UNC79: variants seen among roughly 807,000 people sequenced by gnomAD.
UNC79 encodes protein unc-79 homolog.
In UNC79, 37 loss-of-function variants were observed where a neutral mutation model predicts 283.1. The ratio of observed to expected loss-of-function variants is 0.13; its 90% CI spans 0.10 to 0.17. UNC79 has a LOEUF of 0.17. UNC79 is among the 10% of genes least tolerant of loss of function. The probability of loss-of-function intolerance (pLI) is 1.00; values close to 1 mark genes in which losing one functional copy is unlikely to be tolerated. For synonymous variants in UNC79, 1,107 were observed against 1,200.2 expected, an observed-to-expected ratio of 0.92 and a Z score of 1.61; for missense variants, 2,272 against 3,211.1, an observed-to-expected ratio of 0.71 and a Z score of 7.07.
At chr14:93,347,823 G>A (rs2053894256) in intron 1 of UNC79, among the ~76,000 whole-genome samples, 1 of 151,494 alleles carries the variant, frequency 6.6e-6, no homozygotes, top group Non-Finnish European at 1.5e-5. Flanking sequence ...GGTTGGAACC[G>A]GAGACCCCTT....
chr14:93,587,256 C>T (rs895070555), intron 22 of UNC79, among the ~76,000 whole-genome samples: 9 of 152,058 alleles, frequency 5.9e-5, no homozygotes, highest in African/African-American at 2.2e-4. Flanking sequence ...ACTTACCTAC[C>T]TTCTTACTTA....
intron 1 of UNC79, among the ~76,000 whole-genome samples, chr14:93,352,920 T>C (rs1313032101): frequency 6.6e-6 from 1 of 152,170 alleles, no homozygotes; most frequent in Non-Finnish European, 1.5e-5. Flanking sequence ...CACTTATAAA[T>C]CAAGTGCTGT....
chr14:93,665,728 T>A (rs1243606874), intron 40 of UNC79, among the ~76,000 whole-genome samples: 1 of 151,890 alleles, frequency 6.6e-6, no homozygotes, highest in Non-Finnish European at 1.5e-5. Flanking sequence ...AAAAAAAGTC[T>A]TTAAAATGAT....
At chr14:93,467,720 C>A in exon 2 of UNC79, 2 of 1,364,658 alleles carry the variant, frequency 1.5e-6, no homozygotes, top group South Asian at 2.8e-5. Context: ...GGGTTCTCCA[C>A]AACATTTATC....
chr14:93,511,294 G>C (rs2059812132), intron 7 of UNC79, among the ~76,000 whole-genome samples: 1 of 152,114 alleles, frequency 6.6e-6, no homozygotes, highest in Non-Finnish European at 1.5e-5. Flanking sequence ...ATTAGATATG[G>C]TTGCTTTGTT....
intron 16 of UNC79, 24 bp from the exon 17 acceptor site, chr14:93,575,034 G>A (rs752851599): frequency 6.4e-7 from 1 of 1,573,046 alleles, no homozygotes; most frequent in East Asian, 2.3e-5. Flanking sequence ...TGTTTTTTGG[G>A]GGATATATGC....
chr14:93,333,756 C>T (rs959532722), intron 1 of UNC79, among the ~76,000 whole-genome samples: 3 of 152,220 alleles, frequency 2.0e-5, no homozygotes, highest in Non-Finnish European at 4.4e-5. Context: ...AACAAAAATA[C>T]TGTATTTATG....
At chr14:93,613,206 C>A in intron 27 of UNC79, 123 bp downstream of exon 28, 1 of 1,285,366 alleles carries the variant, frequency 7.8e-7, no homozygotes, top group Non-Finnish European at 1.1e-6. Flanking sequence ...TGGTATTATG[C>A]AGGAGTATGT....
intron 2 of UNC79, 126 bp downstream of exon 2, chr14:93,467,917 G>A: frequency 2.5e-6 from 3 of 1,195,710 alleles, no homozygotes; most frequent in East Asian, 3.3e-5. Flanking sequence ...TCTGTCAGAA[G>A]AGTCTGTGCT....
At chr14:93,530,695 G>A (rs950857765) in intron 10 of UNC79, among the ~76,000 whole-genome samples, 1 of 152,008 alleles carries the variant, frequency 6.6e-6, no homozygotes, top group Admixed American at 6.5e-5. Context: ...GGATCACAAG[G>A]TCAGGAAATC....
At chr14:93,354,058 G>A (rs751954887) in intron 1 of UNC79, among the ~76,000 whole-genome samples, 2 of 152,136 alleles carry the variant, frequency 1.3e-5, no homozygotes, top group African/African-American at 2.4e-5. Context: ...TGACCTGAAC[G>A]ATAAATAGAT....
At chr14:93,504,502 T>C (rs1030817215) in intron 7 of UNC79, among the ~76,000 whole-genome samples, 1 of 151,972 alleles carries the variant, frequency 6.6e-6, no homozygotes, top group Non-Finnish European at 1.5e-5. Flanking sequence ...TTTAGGCTTT[T>C]TTAAGTTGCC....
chr14:93,602,552 T>G (rs1326063764), intron 25 of UNC79, among the ~76,000 whole-genome samples: 1 of 152,190 alleles, frequency 6.6e-6, no homozygotes, highest in African/African-American at 2.4e-5. Context: ...TCCAGATGCA[T>G]TCTTTTTGCT....
chr14:93,471,878 C>T (rs2057528566), intron 2 of UNC79, among the ~76,000 whole-genome samples: 1 of 151,956 alleles, frequency 6.6e-6, no homozygotes, highest in Non-Finnish European at 1.5e-5. Flanking sequence ...CCCACATATA[C>T]AGGAAGGGAA....
At chr14:93,692,944 G>T (rs2074813639) in intron 46 of UNC79, among the ~76,000 whole-genome samples, 1 of 152,174 alleles carries the variant, frequency 6.6e-6, no homozygotes, top group South Asian at 2.1e-4. Flanking sequence ...CAGGGGACCT[G>T]GAGGGACACC....
At chr14:93,394,138 C>T (rs761290650) in intron 1 of UNC79, among the ~76,000 whole-genome samples, 6 of 152,030 alleles carry the variant, frequency 3.9e-5, no homozygotes, top group South Asian at 2.1e-4. Flanking sequence ...TATTTGTCTG[C>T]GACAGCTATT....
intron 30 of UNC79, among the ~76,000 whole-genome samples, chr14:93,629,532 C>T (rs2067853927): frequency 1.3e-5 from 2 of 152,012 alleles, no homozygotes; most frequent in Non-Finnish European, 2.9e-5. Context: ...TTTTTGTTAT[C>T]AAGAGGTTAT....
intron 7 of UNC79, among the ~76,000 whole-genome samples, chr14:93,502,693 A>G (rs900449045): frequency 6.6e-6 from 1 of 152,156 alleles, no homozygotes; most frequent in Non-Finnish European, 1.5e-5. Context: ...TTCCATTTGA[A>G]CTATAGGACA....
chr14:93,497,593 A>G (rs1029880626), intron 7 of UNC79, among the ~76,000 whole-genome samples: 21 of 152,152 alleles, frequency 1.4e-4, no homozygotes, highest in Non-Finnish European at 7.3e-5. Context: ...TGATGCTGCA[A>G]ATTTGCTCAT....
Sources: gnomAD v4.1 joint callset for allele counts (sites outside exome capture counted in the v4.1 genomes callset) on GRCh38, gnomAD v4.1.1 for gene constraint, MANE v1.5 for transcripts, NCBI Gene and HGNC (gene_info 2026-07-23, HGNC 2026-07-21) for gene names.